TNFSF4: variants seen among roughly 807,000 people sequenced by gnomAD.
TNFSF4 encodes TNF superfamily member 4.
TNFSF4 carries 4 observed loss-of-function variants against 7.3 expected under a neutral mutation model. The observed-to-expected ratio is 0.55, with a 90% CI of 0.27 to 1.25. TNFSF4 has a LOEUF of 1.25. TNFSF4 is among the 50% of genes most tolerant of loss of function. The probability of loss-of-function intolerance (pLI) is 0.12; values close to 1 mark genes in which losing one functional copy is unlikely to be tolerated. For synonymous variants in TNFSF4, 76 were observed against 83.7 expected, an observed-to-expected ratio of 0.91 and a Z score of 0.50; for missense variants, 181 against 208.8, an observed-to-expected ratio of 0.87 and a Z score of 0.82.
chr1:173,428,924 T>C, the TNFSF4 span, among the ~76,000 whole-genome samples: 1 of 152,006 alleles, frequency 6.6e-6, no homozygotes, highest in Admixed American at 6.6e-5. Flanking sequence ...GGAGAATTTA[T>C]TGAATCTGGG....
At chr1:173,282,308 T>C in the TNFSF4 span, among the ~76,000 whole-genome samples, 10 of 152,062 alleles carry the variant, frequency 6.6e-5, no homozygotes, top group Admixed American at 5.2e-4. Context: ...ATGCACCCCA[T>C]AAGTATGTAC....
chr1:173,223,277 C>T, the TNFSF4 span, among the ~76,000 whole-genome samples: 1 of 152,212 alleles, frequency 6.6e-6, no homozygotes, highest in Non-Finnish European at 1.5e-5. Context: ...CAAGCATTTA[C>T]ACTTGTTATA....
the TNFSF4 span, among the ~76,000 whole-genome samples, chr1:173,286,680 G>A: frequency 2.6e-5 from 4 of 151,940 alleles, no homozygotes; most frequent in African/African-American, 9.7e-5. Flanking sequence ...CTGAACTTGG[G>A]AAAGACAAAC....
the TNFSF4 span, among the ~76,000 whole-genome samples, chr1:173,328,077 C>T: frequency 6.6e-6 from 1 of 152,052 alleles, no homozygotes; most frequent in South Asian, 2.1e-4. Context: ...CGGCACTATT[C>T]ACAATAGCAA....
the TNFSF4 span, among the ~76,000 whole-genome samples, chr1:173,424,196 C>T: frequency 6.6e-6 from 1 of 152,210 alleles, no homozygotes; most frequent in South Asian, 2.1e-4. Flanking sequence ...TCAGACCACA[C>T]CAGAAAGAAA....
At chr1:173,256,005 T>G in the TNFSF4 span, among the ~76,000 whole-genome samples, 57,370 of 152,036 alleles carry the variant, frequency 0.38, 11,023 homozygotes, top group Admixed American at 0.45. Flanking sequence ...CCTTGAAAAT[T>G]TCTTGAAAAG....
the TNFSF4 span, among the ~76,000 whole-genome samples, chr1:173,258,491 T>G: frequency 6.6e-6 from 1 of 152,116 alleles, no homozygotes; most frequent in Non-Finnish European, 1.5e-5. Flanking sequence ...GATCAGGAGA[T>G]CCCCTTGTGA....
chr1:173,300,727 A>G, the TNFSF4 span, among the ~76,000 whole-genome samples: 7 of 152,042 alleles, frequency 4.6e-5, no homozygotes, highest in African/African-American at 1.7e-4. Flanking sequence ...TAAACATTCA[A>G]TCCAAACTAT....
the TNFSF4 span, among the ~76,000 whole-genome samples, chr1:173,217,095 G>A: frequency 2.0e-5 from 3 of 152,108 alleles, no homozygotes; most frequent in African/African-American, 4.8e-5. Context: ...GTTTGGGGAA[G>A]AATAATTACA....
At chr1:173,371,909 G>A in the TNFSF4 span, among the ~76,000 whole-genome samples, 38 of 152,292 alleles carry the variant, frequency 2.5e-4, no homozygotes, top group African/African-American at 9.1e-4. Context: ...TGCCTCAAGG[G>A]TTTAGGGATA....
At chr1:173,380,826 C>A in the TNFSF4 span, among the ~76,000 whole-genome samples, 1 of 152,144 alleles carries the variant, frequency 6.6e-6, no homozygotes, top group Non-Finnish European at 1.5e-5. Context: ...AAGAAAACAA[C>A]AAACTCACCC....
the TNFSF4 span, chr1:173,362,685 C>T: frequency 4.8e-6 from 2 of 415,982 alleles, no homozygotes; most frequent in Non-Finnish European, 9.4e-6. Context: ...GACAATTCCT[C>T]ATTAATGCTG....
chr1:173,316,708 G>GT, the TNFSF4 span, among the ~76,000 whole-genome samples: 2 of 151,790 alleles, frequency 1.3e-5, no homozygotes, highest in Non-Finnish European at 2.9e-5. Context: ...GATGGCTATA[G>GT]TTTTTTTCAT....
chr1:173,251,222 A>G, the TNFSF4 span, among the ~76,000 whole-genome samples: 1 of 152,324 alleles, frequency 6.6e-6, no homozygotes, highest in East Asian at 1.9e-4. Flanking sequence ...CAAAATAAAA[A>G]CAGCTTTGCT....
chr1:173,305,977 T>A, the TNFSF4 span, among the ~76,000 whole-genome samples: 340 of 152,042 alleles, frequency 2.2e-3, 2 homozygotes, highest in African/African-American at 7.8e-3. Flanking sequence ...CTTCCCTGGA[T>A]GAAATCTTAC....
At chr1:173,421,031 C>A in the TNFSF4 span, among the ~76,000 whole-genome samples, 1 of 152,144 alleles carries the variant, frequency 6.6e-6, no homozygotes, top group Non-Finnish European at 1.5e-5. Context: ...TACACACAGA[C>A]TACACACTGC....
upstream of TNFSF4, among the ~76,000 whole-genome samples, chr1:173,209,216 G>A (rs187466524): frequency 5.8e-4 from 88 of 152,060 alleles, 1 homozygote; most frequent in East Asian, 0.014. Context: ...TATTGAACAC[G>A]TTTTCACAGC....
the TNFSF4 span, among the ~76,000 whole-genome samples, chr1:173,415,091 T>G: frequency 6.6e-6 from 1 of 152,238 alleles, no homozygotes; most frequent in Non-Finnish European, 1.5e-5. Context: ...AAATCCCCCC[T>G]TATCCCTGAT....
the TNFSF4 span, among the ~76,000 whole-genome samples, chr1:173,386,489 T>C: frequency 6.6e-6 from 1 of 152,106 alleles, no homozygotes; most frequent in Non-Finnish European, 1.5e-5. Flanking sequence ...TCACAGCCAC[T>C]GCAGAAAGCC....
Sources: gnomAD v4.1 joint callset for allele counts (sites outside exome capture counted in the v4.1 genomes callset) on GRCh38, gnomAD v4.1.1 for gene constraint, MANE v1.5 for transcripts, NCBI Gene and HGNC (gene_info 2026-07-23, HGNC 2026-07-21) for gene names.